The following SEL1L3 variants were observed in gnomAD, a reference collection of about 807,000 sequenced individuals.
SEL1L3 encodes protein sel-1 homolog 3.
Under a neutral mutation model 142.8 loss-of-function variants are expected in SEL1L3, and 76 were observed. That is an observed-to-expected ratio of 0.53 (90% CI 0.44 to 0.64). The LOEUF is 0.64. Among genes scored for constraint, SEL1L3 ranks in the 30% least tolerant of loss-of-function variants. The probability of loss-of-function intolerance (pLI) is 0.00; values close to 1 mark genes in which losing one functional copy is unlikely to be tolerated. For missense variants in SEL1L3, 1,262 were observed against 1,381.7 expected, an observed-to-expected ratio of 0.91 and a Z score of 1.37; for synonymous variants, 504 against 519.6, an observed-to-expected ratio of 0.97 and a Z score of 0.41.
At chr4:25,770,163 A>G (rs948876917) in intron 17 of SEL1L3, 1 of 152,190 alleles carries the variant, frequency 6.6e-6, no homozygotes, top group East Asian at 1.9e-4. Context: ...TGCAGAAACC[A>G]ATAGGCTGGT....
downstream of SEL1L3, among the ~76,000 whole-genome samples, chr4:25,743,853 C>G (rs762211827): frequency 2.3e-4 from 35 of 152,140 alleles, no homozygotes; most frequent in Non-Finnish European, 4.1e-4. Context: ...CTTTTTCCTT[C>G]CCTCCTACCC....
At chr4:25,825,884 AGAT>A (rs1715065691) in intron 6 of SEL1L3, among the ~76,000 whole-genome samples, 1 of 151,752 alleles carries the variant, frequency 6.6e-6, no homozygotes, top group African/African-American at 2.4e-5. Flanking sequence ...CATGTTGGCC[AGAT>A]GGTCTCCATC....
chr4:25,762,663 C>A (rs1227307955), intron 20 of SEL1L3, among the ~76,000 whole-genome samples: 1 of 152,092 alleles, frequency 6.6e-6, no homozygotes, highest in Admixed American at 6.6e-5. Flanking sequence ...CACAATCCTA[C>A]AATAAATGAT....
chr4:25,800,090 C>G (rs1713072244), intron 11 of SEL1L3, among the ~76,000 whole-genome samples: 1 of 152,074 alleles, frequency 6.6e-6, no homozygotes, highest in African/African-American at 2.4e-5. Context: ...AGGGAGAGCA[C>G]TAATAAAGAT....
the SEL1L3 span, among the ~76,000 whole-genome samples, chr4:25,717,802 C>A: frequency 1.3e-5 from 2 of 152,178 alleles, no homozygotes; most frequent in African/African-American, 2.4e-5. Context: ...CTTTAAGCCT[C>A]ATTTTCCTCA....
At chr4:25,719,850 T>C in the SEL1L3 span, 4 of 152,284 alleles carry the variant, frequency 2.6e-5, no homozygotes, top group African/African-American at 9.6e-5. Flanking sequence ...ACTAGGAGGA[T>C]AATAGGTATT....
intron 1 of SEL1L3, among the ~76,000 whole-genome samples, chr4:25,851,303 A>G (rs1472141404): frequency 6.6e-6 from 1 of 152,198 alleles, no homozygotes; most frequent in Non-Finnish European, 1.5e-5. Context: ...CATTGCCCCA[A>G]AATGAAACCC....
intron 2 of SEL1L3, among the ~76,000 whole-genome samples, chr4:25,845,417 G>A (rs1716446801): frequency 1.3e-5 from 2 of 152,162 alleles, no homozygotes; most frequent in South Asian, 4.1e-4. Context: ...GATTGTTTGA[G>A]CCCAGGATGT....
chr4:25,782,137 G>C (rs1031182996), intron 15 of SEL1L3, 105 bp downstream of exon 15: 4 of 981,654 alleles, frequency 4.1e-6, no homozygotes, highest in Non-Finnish European at 6.2e-6. Flanking sequence ...CTCGAGGACA[G>C]GGACTGTGTC....
At chr4:25,816,348 TAGTG>T (rs973307439) in intron 9 of SEL1L3, among the ~76,000 whole-genome samples, 1 of 152,044 alleles carries the variant, frequency 6.6e-6, no homozygotes, top group African/African-American at 2.4e-5. Context: ...ATCACACAGC[TAGTG>T]AGTGTTAAAA....
At chr4:25,798,146 T>C (rs1473453758) in intron 11 of SEL1L3, among the ~76,000 whole-genome samples, 2 of 152,114 alleles carry the variant, frequency 1.3e-5, no homozygotes, top group East Asian at 3.9e-4. Context: ...TCATACGGCA[T>C]CCGATGAGCT....
chr4:25,771,864 T>A (rs1193141950), intron 17 of SEL1L3, among the ~76,000 whole-genome samples: 2 of 152,272 alleles, frequency 1.3e-5, no homozygotes, highest in Non-Finnish European at 2.9e-5. Flanking sequence ...GCCTCAGGCA[T>A]GACAACATTA....
At chr4:25,753,029 G>A (rs1201923945) in intron 23 of SEL1L3, among the ~76,000 whole-genome samples, 1 of 152,260 alleles carries the variant, frequency 6.6e-6, no homozygotes, top group East Asian at 1.9e-4. Context: ...CTGAGGCACA[G>A]ATAGGCTCCT....
At position 25,819,789 on chromosome 4, in the gene SEL1L3, C is replaced by T; in HGVS notation, c.1423+19G>A. On this transcript the variant is annotated intron_variant, in intron 8 of 23. Coordinates refer to ENST00000399878, the MANE Select transcript of SEL1L3 (RefSeq NM_015187.5). ...AATGCACAGAGCTTAAAACAGCTCCCCTGAAGCTCAACACTTACATGCTTC... is the reference window on the plus strand; with the variant it reads ...AATGCACAGAGCTTAAAACAGCTCCTCTGAAGCTCAACACTTACATGCTTC... 6.2e-7 allele frequency: 1 copy of T among 1,603,916 alleles called. No homozygotes were observed. Among genetic ancestry groups the T allele is most frequent in the African/African-American group, 1.3e-5 (1 of 74,618 alleles).
intron 17 of SEL1L3, among the ~76,000 whole-genome samples, chr4:25,768,763 G>A (rs60504840): frequency 0.02 from 3,089 of 152,094 alleles, 111 homozygotes; most frequent in African/African-American, 0.069. Flanking sequence ...ATGTGTGGCA[G>A]GGTATTCAAA....
intron 2 of SEL1L3, among the ~76,000 whole-genome samples, chr4:25,840,165 T>C (rs1373168725): frequency 1.3e-5 from 2 of 152,160 alleles, no homozygotes; most frequent in Non-Finnish European, 2.9e-5. Context: ...CATGGTACTA[T>C]TATGAGGATT....
intron 1 of SEL1L3, among the ~76,000 whole-genome samples, chr4:25,860,227 G>A (rs568121797): frequency 2.2e-4 from 34 of 152,240 alleles, no homozygotes; most frequent in African/African-American, 7.0e-4. Context: ...GTAAGCTATC[G>A]TTATTACCAT....
intron 16 of SEL1L3, chr4:25,777,568 A>T: frequency 3.5e-6 from 1 of 285,704 alleles, no homozygotes; most frequent in Non-Finnish European, 6.9e-6. Context: ...TAAAACATAT[A>T]CCAAAATTGA....
intron 2 of SEL1L3, among the ~76,000 whole-genome samples, chr4:25,844,077 A>T (rs938912285): frequency 5.3e-5 from 8 of 152,166 alleles, no homozygotes; most frequent in African/African-American, 1.9e-4. Flanking sequence ...CTTCCCTGAA[A>T]CCCCACATCA....
Sources: allele counts gnomAD v4.1 joint callset (sites outside exome capture counted in the v4.1 genomes callset), GRCh38; gene constraint gnomAD v4.1.1; transcripts MANE v1.5; gene names NCBI Gene and HGNC (gene_info 2026-07-23, HGNC 2026-07-21).